WSCD2: variants seen among roughly 807,000 people sequenced by gnomAD.
WSCD2 encodes WSC domain sialate O sulfotransferase 2.
A neutral mutation model predicts 55.7 loss-of-function variants in WSCD2; 28 were observed. The ratio of observed to expected loss-of-function variants is 0.50; its 90% confidence interval spans 0.37 to 0.69. WSCD2 has a LOEUF of 0.69. WSCD2 is among the 30% of genes least tolerant of loss of function. The pLI is 0.00. For missense variants in WSCD2, 616 were observed against 762.1 expected (o/e 0.81, Z 2.26); for synonymous variants, 301 against 301.9 (o/e 1.00, Z 0.03).
chr12:108,188,646 C>T (rs2137023709), intron 1 of WSCD2, among the ~76,000 whole-genome samples: 2 of 152,194 alleles, frequency 1.3e-5, no homozygotes, highest in South Asian at 4.2e-4. Flanking sequence ...TGGTCCACCA[C>T]CAAGAAGGGT....
chr12:108,223,456 G>C (rs576736743), intron 4 of WSCD2, among the ~76,000 whole-genome samples: 1 of 152,082 alleles, frequency 6.6e-6, no homozygotes, highest in East Asian at 1.9e-4. Context: ...TCTTTTCAAT[G>C]GAATTCCACT....
rs1279407021 is a variant in WSCD2 at position 108,129,752 on chromosome 12, G to T, written c.-726G>T. ...AAATAGCCCCAGGGCCCGGCAGGAGGAGCCTTGGTGGCGAGAAAGGAAATC... is the reference window on the plus strand; with the variant it reads ...AAATAGCCCCAGGGCCCGGCAGGAGTAGCCTTGGTGGCGAGAAAGGAAATC... On this transcript the variant is annotated 5_prime_UTR_variant, in exon 1 of 9. Coordinates refer to ENST00000547525, the MANE Select transcript of WSCD2 (RefSeq NM_014653.4). 6.6e-6 allele frequency: 1 copy of T among 152,326 alleles called. No individual in the cohort carries two copies. Among genetic ancestry groups the T allele is most frequent in the Non-Finnish European group, 1.5e-5 (1 of 68,148 alleles). The allele number at this position is 152,326 out of a possible 1,614,324, so 9.4% of individuals were successfully genotyped here. A position where few individuals can be genotyped will look rare whatever the true frequency, so the allele number is the denominator to read the frequency against.
At position 108,234,304 on chromosome 12, in the gene WSCD2, C is replaced by T. The variant is rs1434008077; in HGVS notation, c.1144+1409C>T. On this transcript the variant is annotated intron_variant, in intron 7 of 8. Transcript: ENST00000547525. ...CTTGGTGCTGATAGAGAGTCATCCGCTAACCCTAGCTCAGGGAGAGCCAGG... is the reference window on the plus strand; with the variant it reads ...CTTGGTGCTGATAGAGAGTCATCCGTTAACCCTAGCTCAGGGAGAGCCAGG... Among the ~76,000 whole-genome samples, 4 of 152,164 alleles carry T rather than the reference C, an allele frequency of 2.6e-5. No individual in the cohort carries two copies. The East Asian group carries it at 7.7e-4, about 29-fold the overall frequency.
intron 6 of WSCD2, among the ~76,000 whole-genome samples, chr12:108,232,267 G>A (rs1888839221): frequency 6.6e-6 from 1 of 152,236 alleles, no homozygotes; most frequent in South Asian, 2.1e-4. Flanking sequence ...GAGGTGGTGA[G>A]TACCATTTGG....
chr12:108,228,697 T>G (rs1243956540), intron 6 of WSCD2, among the ~76,000 whole-genome samples: 1 of 152,212 alleles, frequency 6.6e-6, no homozygotes, highest in Non-Finnish European at 1.5e-5. Flanking sequence ...GGGCACCTTT[T>G]TCTGATTTGC....
chr12:108,173,477 GC>G (rs1017257700), intron 1 of WSCD2, among the ~76,000 whole-genome samples: 4 of 149,502 alleles, frequency 2.7e-5, no homozygotes, highest in Admixed American at 2.7e-4. Flanking sequence ...TGGCCAGGAG[GC>G]CCCCCCACCC....
chr12:108,212,590 TTC>T lies in WSCD2; in HGVS notation c.682+2308_682+2309del, dbSNP rs111941873. On this transcript the variant is annotated intron_variant, in intron 4 of 8. Coordinates refer to ENST00000547525, the MANE Select transcript of WSCD2 (RefSeq NM_014653.4). ...TCTTCCGCTGTCTCTCCACCCCCATTTCTCTCTCTCTCTCTCTCTCTCTCACA... is the reference window on the plus strand; with the variant it reads ...TCTTCCGCTGTCTCTCCACCCCCATTTCTCTCTCTCTCTCTCTCTCTCACA... Among the ~76,000 whole-genome samples the T allele has an allele frequency of 1.7e-3, 197 of 118,404 alleles. 1 individual carries two copies. The East Asian group carries it at 0.019, about 12-fold the overall frequency. 77.7% of individuals were successfully genotyped at this position (118,404 alleles called of 152,430 possible).
At chr12:108,155,850 TGAA>T (rs1565921901) in intron 1 of WSCD2, among the ~76,000 whole-genome samples, 1 of 152,150 alleles carries the variant, frequency 6.6e-6, no homozygotes, top group African/African-American at 2.4e-5. Context: ...TCTGGGAAGA[TGAA>T]GATGATCTGA....
intron 1 of WSCD2, among the ~76,000 whole-genome samples, chr12:108,174,633 G>A (rs1895908): frequency 6.6e-6 from 1 of 152,128 alleles, no homozygotes; most frequent in Admixed American, 6.5e-5. Flanking sequence ...TCATTCTTTA[G>A]AGATAGGGTC....
rs958841499 is a variant in WSCD2 at position 108,139,558 on chromosome 12, G to A, written c.-552+9632G>A. Among the ~76,000 whole-genome samples the A allele has an allele frequency of 1.8e-4, 27 of 152,284 alleles. 1 individual carries two copies. The South Asian group carries it at 5.6e-3, about 32-fold the overall frequency. On this transcript the variant is annotated intron_variant, in intron 1 of 8. Coordinates refer to ENST00000547525, the MANE Select transcript of WSCD2 (RefSeq NM_014653.4). ...TAGACTGAAACTGCTTGGCTTCACA[G>A]CCCAGATCAGCCACTTGCACACTCT...
In WSCD2 at chr12:108,200,386, C is replaced by T. The variant is rs79977107; in HGVS notation, c.382+4172C>T. On this transcript the variant is annotated intron_variant, in intron 2 of 8. Coordinates refer to ENST00000547525, the MANE Select transcript of WSCD2 (RefSeq NM_014653.4). The stretch of plus-strand genomic sequence containing the variant: ...CCAAGAGGCAGAGCTGACTCCAGCC[C>T]GATTTGATCAGAGTCCAAAGCCCTT... Among the ~76,000 whole-genome samples, 404 of 152,306 alleles carry T rather than the reference C, an allele frequency of 2.7e-3. 2 individuals are homozygous for T. The highest frequency in any genetic ancestry group is 9.5e-3 in the African/African-American group (393 of 41,568).
rs1434857857 is a variant in WSCD2, at chr12:108,248,212, C to T, written c.1567C>T (p.Leu523Phe). Residue 523 changes from leucine (L) to phenylalanine (F), a missense_variant, in exon 9 of 9, where the codon CTC becomes TTC. Leu to Phe is a conservative substitution (Grantham distance 22). This residue lies in a region of WSCD2 where 234 missense variants were observed against 264.6 expected (regional missense o/e 0.88). Coordinates refer to ENST00000547525, the MANE Select transcript of WSCD2 (RefSeq NM_014653.4). This position sits in a 1 kb window ranked among gnomAD's most constrained non-coding sequence, Gnocchi z 4.3. The stretch of plus-strand genomic sequence containing the variant: ...GGATGGCAACTTCAAGCGCTCAGGG[C>T]TCCGGAAGCTCGAGTATGACCCCTA... ...QKDGNFKRSG[L>F]RKLEYDPYTA... The T allele has an allele frequency of 2.5e-6, 4 of 1,614,224 alleles. No homozygotes were observed. In the South Asian group the frequency reaches 4.4e-5, roughly 18 times the overall value.
Position 108,248,691 on chromosome 12 carries a change from A to G in WSCD2, c.*348A>G, listed in dbSNP as rs2137258558. ...CATCCACATCATGGAGACTTGCTGG[A>G]TGCCCCATGGCAATTGTCAAGGCTC... On this transcript the variant is annotated 3_prime_UTR_variant, in exon 9 of 9. Coordinates refer to ENST00000547525, the MANE Select transcript of WSCD2 (RefSeq NM_014653.4). The surrounding 1 kb of genome is among the most constrained non-coding windows in gnomAD (Gnocchi z 4.3). 1 of 1,047,900 alleles carries G rather than the reference A, an allele frequency of 9.5e-7. No homozygotes were observed. The highest frequency in any genetic ancestry group is 7.2e-5 in the East Asian group (1 of 13,838). 64.9% of individuals were successfully genotyped at this position (1,047,900 alleles called of 1,614,324 possible). A position where few individuals can be genotyped will look rare whatever the true frequency, so the allele number is the denominator to read the frequency against.
At chr12:108,216,821 G>A (rs79296435) in intron 4 of WSCD2, among the ~76,000 whole-genome samples, 2,814 of 152,284 alleles carry the variant, frequency 0.018, 93 homozygotes, top group African/African-American at 0.065. Context: ...ATTGGCTGAG[G>A]GTGGCTCCTG....
At chr12:108,130,478 GTGTGTGTGTGT>G (rs1875381988) in intron 1 of WSCD2, among the ~76,000 whole-genome samples, 9 of 46,576 alleles carry the variant, frequency 1.9e-4, no homozygotes, top group Middle Eastern at 0.011. Context: ...ATTCTGGGGT[GTGTGTGTGTGT>G]GTGTGTGTGT....
intron 2 of WSCD2, among the ~76,000 whole-genome samples, chr12:108,203,357 C>T (rs1240587063): frequency 6.6e-6 from 1 of 152,154 alleles, no homozygotes; most frequent in African/African-American, 2.4e-5. Flanking sequence ...CACAGATTGG[C>T]CTTGGTGCCA....
At chr12:108,218,046 C>T (rs1210815369) in intron 4 of WSCD2, among the ~76,000 whole-genome samples, 1 of 152,164 alleles carries the variant, frequency 6.6e-6, no homozygotes, top group Non-Finnish European at 1.5e-5. Context: ...TCTTTTCAGT[C>T]TAAGGACAGC....
At chr12:108,177,766 A>G (rs546989970) in intron 1 of WSCD2, among the ~76,000 whole-genome samples, 10 of 152,222 alleles carry the variant, frequency 6.6e-5, no homozygotes, top group Non-Finnish European at 1.3e-4. Flanking sequence ...TAAAATAATA[A>G]TAAGAGGCTC....
chr12:108,231,351 G>A (rs1441177162), intron 6 of WSCD2, among the ~76,000 whole-genome samples: 1 of 152,184 alleles, frequency 6.6e-6, no homozygotes, highest in African/African-American at 2.4e-5. Flanking sequence ...TTGCAACTGA[G>A]GGAACCAAAA....
Sources: allele counts gnomAD v4.1 joint callset (sites outside exome capture counted in the v4.1 genomes callset), GRCh38; gene constraint gnomAD v4.1.1; regional missense constraint gnomAD v4.1.1; non-coding constraint Gnocchi (gnomAD v3.1); transcripts MANE v1.5; gene names NCBI Gene and HGNC (gene_info 2026-07-23, HGNC 2026-07-21).